Variants in SIPA1L1 observed in about 807,000 individuals in gnomAD.
The protein encoded by SIPA1L1 is signal-induced proliferation-associated 1-like protein 1.
SIPA1L1 carries 26 observed loss-of-function variants against 162.7 expected under a neutral mutation model. That is an observed-to-expected ratio of 0.16 (90% CI 0.12 to 0.22). The LOEUF (loss-of-function observed/expected upper bound fraction) is 0.22. Among genes scored for constraint, SIPA1L1 ranks in the 10% least tolerant of loss-of-function variants. SIPA1L1 has a pLI of 1.00. For missense variants in SIPA1L1, 1,874 were observed against 2,241.0 expected (o/e 0.84, Z 3.31); for synonymous variants, 829 against 837.4 (o/e 0.99, Z 0.17).
intron 2 of SIPA1L1, among the ~76,000 whole-genome samples, chr14:71,480,235 A>C (rs2048240587): frequency 6.6e-6 from 1 of 151,648 alleles, no homozygotes; most frequent in Non-Finnish European, 1.5e-5. Context: ...GGCGTTTGCC[A>C]CCATGCCCAG....
chr14:71,722,095 C>T lies in SIPA1L1; in HGVS notation c.4209-1552C>T, dbSNP rs570054003. Among the ~76,000 whole-genome samples, 5 of 152,342 alleles carry T rather than the reference C, an allele frequency of 3.3e-5. No homozygotes were observed. The South Asian group carries it at 1.0e-3, about 32-fold the overall frequency. On this transcript the variant is annotated intron_variant, in intron 17 of 23. Transcript: ENST00000381232. ...ACACCCTCTCCCTCTCTGACGTGCA[C>T]AGATTCTCTCTCCAAGCTGCTGTGC...
intron 5 of SIPA1L1, among the ~76,000 whole-genome samples, chr14:71,614,438 T>A (rs2038593401): frequency 6.6e-6 from 1 of 152,204 alleles, no homozygotes; most frequent in Non-Finnish European, 1.5e-5. Context: ...ATAATTTTTT[T>A]TCAAGTTCAA....
chr14:71,637,051 T>TAAA (rs199901513), intron 7 of SIPA1L1, among the ~76,000 whole-genome samples: 2 of 121,260 alleles, frequency 1.6e-5, no homozygotes, highest in Admixed American at 8.4e-5. Context: ...ACTCCATCTT[T>TAAA]AAAAAAAAAA....
chr14:71,386,093 C>T (rs1399194802), intron 2 of SIPA1L1, among the ~76,000 whole-genome samples: 1 of 152,176 alleles, frequency 6.6e-6, no homozygotes, highest in Non-Finnish European at 1.5e-5. Context: ...TGACTACTGC[C>T]TGTCATATTG....
chr14:71,335,199 C>T (rs1205976781), intron 2 of SIPA1L1, among the ~76,000 whole-genome samples: 1 of 152,128 alleles, frequency 6.6e-6, no homozygotes, highest in East Asian at 1.9e-4. Context: ...ACTTGGCAGG[C>T]TGAGGTAGGA....
intron 17 of SIPA1L1, among the ~76,000 whole-genome samples, chr14:71,711,846 A>G (rs2082897253): frequency 6.6e-6 from 1 of 152,228 alleles, no homozygotes; most frequent in Non-Finnish European, 1.5e-5. Flanking sequence ...CAAACTTACT[A>G]GAGAAGAGAA....
intron 2 of SIPA1L1, among the ~76,000 whole-genome samples, chr14:71,480,285 A>G (rs955176520): frequency 8.6e-5 from 13 of 150,990 alleles, no homozygotes; most frequent in Admixed American, 5.9e-4. Flanking sequence ...GGTTTTTGCC[A>G]TGTTGGCCAG....
chr14:71,710,723 G>A (rs905479391), intron 17 of SIPA1L1, among the ~76,000 whole-genome samples: 1 of 149,836 alleles, frequency 6.7e-6, no homozygotes, highest in African/African-American at 2.5e-5. Flanking sequence ...CAGGAGAATC[G>A]CTTGAACCCA....
intron 6 of SIPA1L1, among the ~76,000 whole-genome samples, chr14:71,619,488 A>G (rs2039192088): frequency 6.6e-6 from 1 of 152,084 alleles, no homozygotes; most frequent in Admixed American, 6.5e-5. Context: ...TTTTTATTTT[A>G]AAATGAAGTT....
At chr14:71,619,026 C>G in intron 6 of SIPA1L1, 139 bp downstream of exon 6, 1 of 858,546 alleles carries the variant, frequency 1.2e-6, no homozygotes, top group Non-Finnish European at 1.8e-6. Context: ...TTCATTTATT[C>G]TGGTGGAGAT....
intron 2 of SIPA1L1, among the ~76,000 whole-genome samples, chr14:71,402,350 ATT>A (rs34542279): frequency 4.9e-5 from 7 of 144,252 alleles, no homozygotes; most frequent in Admixed American, 1.4e-4. Context: ...TCTTGGGTAA[ATT>A]TTTTTTTTTT....
At position 71,588,012 on chromosome 14, in the gene SIPA1L1, G is replaced by A. The variant is rs770445734; in HGVS notation, c.140G>A (p.Gly47Glu). The A allele has an allele frequency of 2.5e-6, 4 of 1,614,008 alleles. No homozygotes were observed. In the African/African-American group the frequency reaches 4.0e-5, roughly 16 times the overall value. ...TTCCGGTCCCAAAATGGCAGCTTAG[G>A]ATCATCAGTTATGGCTCCTGTAGGA... ...RRFRSQNGSL[G>E]SSVMAPVGPP... is the part of the protein sequence containing the mutation. Residue 47 changes from glycine (G) to glutamate (E), a missense_variant, in exon 5 of 24, where the codon GGA becomes GAA. Physicochemically the swap from Gly to Glu is moderately conservative, Grantham distance 98. Around this residue, in one of 5 missense-constraint regions of SIPA1L1, gnomAD observed 685 missense variants for 828.0 expected, o/e 0.83. Coordinates refer to ENST00000381232, the MANE Select transcript of SIPA1L1 (RefSeq NM_001386936.1). The surrounding 1 kb of genome is among the most constrained non-coding windows in gnomAD (Gnocchi z 4.3).
intron 13 of SIPA1L1, among the ~76,000 whole-genome samples, chr14:71,687,804 TAGA>T (rs1411445570): frequency 2.0e-5 from 3 of 152,182 alleles, no homozygotes; most frequent in Non-Finnish European, 2.9e-5. Flanking sequence ...GTGCGCCTTC[TAGA>T]AGACCATTAG....
intron 2 of SIPA1L1, among the ~76,000 whole-genome samples, chr14:71,435,813 T>A (rs1027905365): frequency 3.3e-5 from 5 of 152,220 alleles, no homozygotes; most frequent in Non-Finnish European, 7.3e-5. Context: ...GTATTCCTAT[T>A]TCTCCACATC....
chr14:71,624,836 A>C lies in SIPA1L1; in HGVS notation c.1818+600A>C, dbSNP rs1031749889. Among the ~76,000 whole-genome samples, 11 of 152,306 alleles carry C rather than the reference A, an allele frequency of 7.2e-5. No individual in the cohort carries two copies. The South Asian group carries it at 1.5e-3, about 20-fold the overall frequency. Reference sequence around the variant, plus strand: ...TGTTCTTAAAAGCTTAGAGTTTCAAAGTCTATTAGTACCACCAAAGATATA... The same window carrying C: ...TGTTCTTAAAAGCTTAGAGTTTCAACGTCTATTAGTACCACCAAAGATATA... On this transcript the variant is annotated intron_variant, in intron 7 of 23. Transcript: ENST00000381232.
intron 17 of SIPA1L1, among the ~76,000 whole-genome samples, chr14:71,719,288 T>C (rs2083505698): frequency 6.6e-6 from 1 of 152,130 alleles, no homozygotes; most frequent in African/African-American, 2.4e-5. Flanking sequence ...CATATATGTT[T>C]CTTTTGAGTT....
At chr14:71,590,034 A>ATATATATATAT in intron 5 of SIPA1L1, among the ~76,000 whole-genome samples, 1 of 72,700 alleles carries the variant, frequency 1.4e-5, no homozygotes, top group African/African-American at 5.0e-5. Flanking sequence ...AAAAAAAAAA[A>ATATATATATAT]AAAAAAAAAA....
At chr14:71,616,773 T>G (rs2038890022) in intron 5 of SIPA1L1, among the ~76,000 whole-genome samples, 1 of 152,158 alleles carries the variant, frequency 6.6e-6, no homozygotes, top group Non-Finnish European at 1.5e-5. Flanking sequence ...TAGAGCATGT[T>G]TGCCACATCT....
At chr14:71,512,672 G>A (rs1440306387) in intron 2 of SIPA1L1, 71 bp from the exon 3 acceptor site, 2 of 137,814 alleles carry the variant, frequency 1.5e-5, no homozygotes, top group African/African-American at 5.3e-5. Context: ...GCCGGGGTTG[G>A]GGGGGTTGGG....
Sources: allele counts gnomAD v4.1 joint callset (sites outside exome capture counted in the v4.1 genomes callset), GRCh38; gene constraint gnomAD v4.1.1; regional missense constraint gnomAD v4.1.1; non-coding constraint Gnocchi (gnomAD v3.1); transcripts MANE v1.5; gene names NCBI Gene and HGNC (gene_info 2026-07-23, HGNC 2026-07-21).